EPB41L4B: variants seen among roughly 807,000 people sequenced by gnomAD.
EPB41L4B encodes band 4.1-like protein 4B.
In EPB41L4B, 30 loss-of-function variants were observed where a neutral mutation model predicts 112.5. The ratio of observed to expected loss-of-function variants is 0.27; its 90% CI spans 0.20 to 0.36. The LOEUF is 0.36. Among genes scored for constraint, EPB41L4B ranks in the 10% least tolerant of loss-of-function variants. The probability of loss-of-function intolerance (pLI) is 1.00; values close to 1 mark genes in which losing one functional copy is unlikely to be tolerated. For missense variants in EPB41L4B, 1,024 were observed against 1,133.3 expected, an observed-to-expected ratio of 0.90 and a Z score of 1.38; for synonymous variants, 408 against 439.7, an observed-to-expected ratio of 0.93 and a Z score of 0.90.
rs552520556 is a variant in EPB41L4B, at chr9:109,263,998, A to G, written c.579-896T>C. ...AACCGAAGACAATTTCTAGAGTTAC[A>G]CAGCCTTTAGTATGAGGAGCACAGT... On this transcript the variant is annotated intron_variant, in intron 5 of 25. Coordinates refer to ENST00000374566, the MANE Select transcript of EPB41L4B (RefSeq NM_019114.5). Among the ~76,000 whole-genome samples the G allele has an allele frequency of 4.6e-5, 7 of 152,312 alleles. No individual in the cohort carries two copies. The South Asian group carries it at 1.5e-3, about 32-fold the overall frequency.
chr9:109,233,926 T>C (rs1834046890), intron 15 of EPB41L4B, among the ~76,000 whole-genome samples: 1 of 152,206 alleles, frequency 6.6e-6, no homozygotes. Flanking sequence ...ACATGGTTAA[T>C]TGTACTTCAT....
chr9:109,287,168 A>G (rs1481492736), intron 1 of EPB41L4B, among the ~76,000 whole-genome samples: 1 of 152,214 alleles, frequency 6.6e-6, no homozygotes, highest in African/African-American at 2.4e-5. Context: ...CAAGGGATGG[A>G]CATTGGGATA....
intron 15 of EPB41L4B, among the ~76,000 whole-genome samples, chr9:109,226,683 AG>A (rs1833779388): frequency 1.1e-5 from 1 of 92,672 alleles, no homozygotes; most frequent in African/African-American, 5.2e-5. Flanking sequence ...ATATATATGA[AG>A]AATATATATA....
At chr9:109,241,798 T>C (rs1484474649) in intron 15 of EPB41L4B, 1 of 1,614,162 alleles carries the variant, frequency 6.2e-7, no homozygotes, top group Middle Eastern at 1.6e-4. Flanking sequence ...CCTGTCATCC[T>C]GAAAGGATGG....
chr9:109,259,494 A>C (rs752931779), intron 6 of EPB41L4B, among the ~76,000 whole-genome samples: 7 of 152,088 alleles, frequency 4.6e-5, no homozygotes, highest in Non-Finnish European at 7.4e-5. Context: ...CACTTCACTC[A>C]ATTTGCAATC....
intron 1 of EPB41L4B, among the ~76,000 whole-genome samples, chr9:109,301,532 C>T (rs143490128): frequency 4.3e-4 from 66 of 152,232 alleles, no homozygotes; most frequent in African/African-American, 1.3e-3. Flanking sequence ...TCCCTACCCC[C>T]GAGGCAACAG....
intron 2 of EPB41L4B, among the ~76,000 whole-genome samples, chr9:109,270,419 G>C (rs534241614): frequency 1.6e-4 from 25 of 152,174 alleles, no homozygotes; most frequent in African/African-American, 5.8e-4. Flanking sequence ...GGGTGGGCTG[G>C]GTTGTCACGT....
At chr9:109,224,698 C>G (rs1833701602) in intron 15 of EPB41L4B, among the ~76,000 whole-genome samples, 1 of 152,152 alleles carries the variant, frequency 6.6e-6, no homozygotes, top group African/African-American at 2.4e-5. Flanking sequence ...TATCTTAAAG[C>G]TGATAAAAAT....
At chr9:109,220,541 T>A (rs1176537104) in intron 15 of EPB41L4B, among the ~76,000 whole-genome samples, 1 of 152,116 alleles carries the variant, frequency 6.6e-6, no homozygotes, top group Admixed American at 6.5e-5. Context: ...TTCTGGGATA[T>A]TTTGAAGCTG....
chr9:109,176,745 T>C, intron 24 of EPB41L4B, 49 bp from the exon 25 acceptor site: 1 of 1,606,366 alleles, frequency 6.2e-7, no homozygotes, highest in Non-Finnish European at 8.5e-7. Flanking sequence ...TGGGTTCCAT[T>C]TTCACACTGT....
intron 1 of EPB41L4B, among the ~76,000 whole-genome samples, chr9:109,283,182 A>C (rs1437474808): frequency 6.6e-6 from 1 of 152,192 alleles, no homozygotes; most frequent in Non-Finnish European, 1.5e-5. Flanking sequence ...GTAATTGTTG[A>C]TCTTCTGGCA....
intron 25 of EPB41L4B, among the ~76,000 whole-genome samples, chr9:109,175,310 C>A (rs1831780333): frequency 6.6e-6 from 1 of 152,060 alleles, no homozygotes; most frequent in South Asian, 2.1e-4. Context: ...CCCAGGCTTT[C>A]ATTTGATGAA....
chr9:109,272,130 G>C (rs2119101658), intron 2 of EPB41L4B, among the ~76,000 whole-genome samples: 1 of 152,208 alleles, frequency 6.6e-6, no homozygotes, highest in African/African-American at 2.4e-5. Flanking sequence ...CTCATAACGG[G>C]ATTTCTAGGA....
In EPB41L4B at chr9:109,255,616, C is replaced by A. The variant is rs1834950616; in HGVS notation, c.1064G>T (p.Trp355Leu). 1.2e-6 allele frequency: 2 copies of A among 1,614,046 alleles called. No homozygotes were observed. Among genetic ancestry groups the A allele is most frequent in the Non-Finnish European group, 1.7e-6 (2 of 1,180,036 alleles). ...TGCGTGGTGCTCAACTGCACACTTC[C>A]AAAGGTGTTTGCAGGTCCTGGCACT... ...LDSARTCKHL[W>L]KCAVEHHAFF... Residue 355 changes from tryptophan to leucine, a missense_variant, in exon 11 of 26, where the codon TGG (tryptophan) becomes TTG (leucine). By Grantham distance (61) the Trp-to-Leu change is moderately conservative. Coordinates refer to ENST00000374566, the MANE Select transcript of EPB41L4B (RefSeq NM_019114.5).
At chr9:109,242,523 C>A (rs1834389354) in intron 15 of EPB41L4B, among the ~76,000 whole-genome samples, 1 of 152,218 alleles carries the variant, frequency 6.6e-6, no homozygotes, top group East Asian at 1.9e-4. Context: ...GAATAAAGCA[C>A]CTTTGAAATA....
rs538792313 is a variant in EPB41L4B, at chr9:109,204,042, G to A, written c.1879-312C>T. On this transcript the variant is annotated intron_variant, in intron 18 of 25. Transcript: ENST00000374566. ...GGATAGTGTGGGAAAAGCCAAACCCGCAGTTTAATCCTTCACCTCACAGTT... is the reference window on the plus strand; with the variant it reads ...GGATAGTGTGGGAAAAGCCAAACCCACAGTTTAATCCTTCACCTCACAGTT... Among the ~76,000 whole-genome samples the A allele has an allele frequency of 1.4e-4, 22 of 152,270 alleles. 1 individual carries two copies. In the South Asian group the frequency reaches 2.7e-3, roughly 19 times the overall value.
At chr9:109,222,946 T>A (rs1488115285) in intron 15 of EPB41L4B, among the ~76,000 whole-genome samples, 1 of 152,120 alleles carries the variant, frequency 6.6e-6, no homozygotes, top group African/African-American at 2.4e-5. Context: ...GAAGACCCAG[T>A]TCCCATTTGG....
rs536573534 is a variant in EPB41L4B at position 109,217,071 on chromosome 9, G to A, written c.1484C>T (p.Pro495Leu). The A allele has an allele frequency of 9.9e-6, 16 of 1,614,178 alleles. No individual in the cohort carries two copies. The African/African-American group carries it at 1.6e-4, about 16-fold the overall frequency. ...CCTTCCTGAAGCTGCGGTGAGGAAC[G>A]GTGTGCCCCCATTCTCCTCAATGCC... ...PFGIEENGGT[P>L]FLTAASGRHH... Residue 495 changes from proline (P) to leucine (L), a missense_variant, in exon 16 of 26, where the codon CCG becomes CTG. By Grantham distance (98) the Pro-to-Leu change is moderately conservative. Transcript: ENST00000374566.
chr9:109,256,047 T>G (rs929922574), intron 9 of EPB41L4B, 89 bp downstream of exon 9: 5 of 1,278,304 alleles, frequency 3.9e-6, no homozygotes, highest in Non-Finnish European at 4.5e-6. Flanking sequence ...ATCTGGGTGT[T>G]GCAGATACCC....
Sources: gnomAD v4.1 joint callset for allele counts (sites outside exome capture counted in the v4.1 genomes callset) on GRCh38, gnomAD v4.1.1 for gene constraint, MANE v1.5 for transcripts, NCBI Gene and HGNC (gene_info 2026-07-23, HGNC 2026-07-21) for gene names.